DNAAF5: variants seen among roughly 807,000 people sequenced by gnomAD.
The protein encoded by DNAAF5 is dynein axonemal assembly factor 5, also known as HEAT repeat containing 2.
In DNAAF5, 64 loss-of-function variants were observed where a neutral mutation model predicts 75.8. The observed-to-expected ratio is 0.84, with a 90% CI of 0.69 to 1.04. DNAAF5 has a LOEUF of 1.04. DNAAF5 is among the 50% of genes least tolerant of loss of function. The pLI, the probability that DNAAF5 is intolerant of heterozygous loss-of-function variation, is 0.00. For missense variants in DNAAF5, 1,269 were observed against 1,178.5 expected (o/e 1.08, Z -1.12); for synonymous variants, 657 against 557.2 (o/e 1.18, Z -2.52).
At chr7:732,154 C>T (rs1781605495) in intron 2 of DNAAF5, among the ~76,000 whole-genome samples, 2 of 152,254 alleles carry the variant, frequency 1.3e-5, no homozygotes, top group South Asian at 4.1e-4. Context: ...GGTCAGGACA[C>T]AGGCGGTCTA....
At chr7:770,295 A>G (rs1252195100) in intron 8 of DNAAF5, among the ~76,000 whole-genome samples, 176 bp from the exon 9 acceptor site, 5 of 152,120 alleles carry the variant, frequency 3.3e-5, no homozygotes, top group African/African-American at 1.2e-4. Context: ...GGGGGTTAAA[A>G]TTTTCTGCTG....
At chr7:750,247 C>T (rs1000193368) in intron 4 of DNAAF5, among the ~76,000 whole-genome samples, 17 of 152,222 alleles carry the variant, frequency 1.1e-4, no homozygotes, top group African/African-American at 3.6e-4. Context: ...CAGGCTATAT[C>T]GCACAGCCCA....
chr7:773,963 C>CT (rs1293468437), intron 9 of DNAAF5, 85 bp from the exon 10 acceptor site: 8 of 1,518,864 alleles, frequency 5.3e-6, no homozygotes, highest in Non-Finnish European at 7.3e-6. Flanking sequence ...TGGCTCCCCC[C>CT]TCAGCCCCAT....
intron 2 of DNAAF5, chr7:732,574 C>T (rs1221954580): frequency 4.4e-6 from 2 of 456,130 alleles, no homozygotes; most frequent in South Asian, 1.5e-5. Flanking sequence ...GATGCATGGA[C>T]AGCTTTTCAG....
intron 4 of DNAAF5, among the ~76,000 whole-genome samples, chr7:748,280 C>G (rs1194632380): frequency 7.4e-6 from 1 of 134,250 alleles, no homozygotes; most frequent in Non-Finnish European, 1.6e-5. Context: ...CAGTGGTGGC[C>G]CACGGTGTTG....
chr7:773,776 C>A (rs553625160), intron 9 of DNAAF5, among the ~76,000 whole-genome samples: 2 of 152,112 alleles, frequency 1.3e-5, no homozygotes, highest in African/African-American at 4.8e-5. Flanking sequence ...CGGCCCAGGG[C>A]CTCTGGCTCG....
chr7:730,962 G>A (rs545664134), intron 2 of DNAAF5, among the ~76,000 whole-genome samples: 8 of 152,342 alleles, frequency 5.3e-5, no homozygotes, highest in South Asian at 2.1e-4. Context: ...GGCAGAGTGC[G>A]GGGTCAGTGT....
intron 2 of DNAAF5, among the ~76,000 whole-genome samples, chr7:736,421 T>C (rs1268798307): frequency 6.6e-6 from 1 of 152,270 alleles, no homozygotes. Context: ...AAAGTTGTTA[T>C]ATCCTCTTGC....
At chr7:753,810 G>A (rs113130628) in intron 4 of DNAAF5, among the ~76,000 whole-genome samples, 3 of 139,632 alleles carry the variant, frequency 2.1e-5, no homozygotes, top group Non-Finnish European at 3.0e-5. Context: ...CTTCGCAGGC[G>A]TGTCTCTCTC....
At chr7:780,188 G>T (rs372498061) in intron 12 of DNAAF5, 44 bp downstream of exon 12, 1 of 1,570,858 alleles carries the variant, frequency 6.4e-7, no homozygotes, top group South Asian at 1.1e-5. Flanking sequence ...GCCTGCTTTC[G>T]GCGCCTGCCA....
rs1481623803 is a variant in DNAAF5, at chr7:779,937, C to T, written c.2240-16C>T. 8 of 1,610,814 alleles carry T rather than the reference C, an allele frequency of 5.0e-6. No individual in the cohort carries two copies. Among genetic ancestry groups the T allele is most frequent in the African/African-American group, 4.0e-5 (3 of 74,868 alleles). On this transcript the variant is annotated splice_polypyrimidine_tract_variant and intron_variant, in intron 11 of 12. Coordinates refer to ENST00000297440, the MANE Select transcript of DNAAF5 (RefSeq NM_017802.4). ...CTGCTCTAGACTCACACACCTGTCT[C>T]GCTCCCTCCTTCCAGAACTCTTAAA...
At chr7:763,654 C>T (rs940224202) in intron 7 of DNAAF5, 152 bp from the exon 8 acceptor site, 9 of 821,642 alleles carry the variant, frequency 1.1e-5, no homozygotes, top group South Asian at 3.3e-5. Context: ...GCACCCTGGG[C>T]GGGGCTCCCT....
At chr7:784,533 C>T (rs763813483) in intron 12 of DNAAF5, among the ~76,000 whole-genome samples, 58 of 152,296 alleles carry the variant, frequency 3.8e-4, no homozygotes, top group African/African-American at 1.4e-3. Context: ...CAGCTAGACA[C>T]GCCCAACCCT....
At chr7:732,243 C>T (rs1490774134) in intron 2 of DNAAF5, among the ~76,000 whole-genome samples, 3 of 152,234 alleles carry the variant, frequency 2.0e-5, no homozygotes, top group Non-Finnish European at 4.4e-5. Context: ...GGGGCTAATG[C>T]ATCTCCCCAC....
intron 8 of DNAAF5, among the ~76,000 whole-genome samples, chr7:768,082 G>T (rs62432862): frequency 7.3e-6 from 1 of 136,992 alleles, no homozygotes; most frequent in Non-Finnish European, 1.6e-5. Flanking sequence ...TCCGTGCAGC[G>T]AGCGGGAGCT....
intron 5 of DNAAF5, 53 bp from the exon 6 acceptor site, chr7:756,729 C>T (rs775915686): frequency 3.1e-5 from 49 of 1,570,952 alleles, no homozygotes; most frequent in Non-Finnish European, 3.7e-5. Context: ...AGCAGGAGCC[C>T]GGCTGAGACC....
At chr7:767,217 C>T (rs573336281) in intron 8 of DNAAF5, among the ~76,000 whole-genome samples, 145 of 134,296 alleles carry the variant, frequency 1.1e-3, no homozygotes, top group Middle Eastern at 5.7e-3. Flanking sequence ...CCAGCCTAGG[C>T]GACAGAGCGA....
intron 4 of DNAAF5, among the ~76,000 whole-genome samples, chr7:749,780 C>G (rs1782230991): frequency 6.6e-6 from 1 of 152,186 alleles, no homozygotes; most frequent in Admixed American, 6.5e-5. Flanking sequence ...ACTGCAACCT[C>G]CGCCTCCCAG....
rs184422911 is a variant in DNAAF5 at position 766,234 on chromosome 7, A to G, written c.1783+2260A>G. 3.6e-3 allele frequency among the ~76,000 whole-genome samples: 548 copies of G among 152,338 alleles called. 4 individuals carry two copies. The highest frequency in any genetic ancestry group is 0.012 in the African/African-American group (517 of 41,576). ...GGGGCACAGCCTCAAATATAATACA[A>G]TATTTCCAACATCGTGTCCTTGGAA... On this transcript the variant is annotated intron_variant, in intron 8 of 12. Transcript: ENST00000297440.
Sources: allele counts gnomAD v4.1 joint callset (sites outside exome capture counted in the v4.1 genomes callset), GRCh38; gene constraint gnomAD v4.1.1; transcripts MANE v1.5; gene names NCBI Gene and HGNC (gene_info 2026-07-23, HGNC 2026-07-21).